F13A1: variants seen among roughly 807,000 people sequenced by gnomAD.
F13A1 encodes coagulation factor XIII A chain, also known as FSF, A subunit.
In F13A1, 47 loss-of-function variants were observed where a neutral mutation model predicts 80.1. That is an observed-to-expected ratio of 0.59 (90% confidence interval 0.46 to 0.75). F13A1 has a LOEUF of 0.75. F13A1 is among the 30% of genes least tolerant of loss of function. The pLI is 0.00. For missense variants in F13A1, 817 were observed against 930.4 expected (o/e 0.88, Z 1.59); for synonymous variants, 349 against 344.9 (o/e 1.01, Z -0.13).
chr6:6,233,061 A>G (rs1214185098), intron 6 of F13A1, among the ~76,000 whole-genome samples: 1 of 152,144 alleles, frequency 6.6e-6, no homozygotes, highest in African/African-American at 2.4e-5. Flanking sequence ...AAACAAGAAC[A>G]AACAAAACCC....
intron 2 of F13A1, among the ~76,000 whole-genome samples, chr6:6,309,270 A>G (rs1244095042): frequency 4.6e-5 from 7 of 151,362 alleles, no homozygotes; most frequent in Non-Finnish European, 1.0e-4. Context: ...GTGGACAGAT[A>G]ATTATGACAC....
intron 3 of F13A1, among the ~76,000 whole-genome samples, chr6:6,293,300 A>G (rs1430310193): frequency 6.6e-6 from 1 of 152,120 alleles, no homozygotes; most frequent in East Asian, 1.9e-4. Context: ...GTATCAAAAA[A>G]GCAGGGGCCC....
intron 3 of F13A1, among the ~76,000 whole-genome samples, chr6:6,301,750 A>T (rs1385961712): frequency 6.6e-6 from 1 of 152,166 alleles, no homozygotes; most frequent in Non-Finnish European, 1.5e-5. Context: ...ATTCTCATTC[A>T]TTTAGTTGCT....
intron 3 of F13A1, among the ~76,000 whole-genome samples, chr6:6,300,028 C>T (rs1012035874): frequency 6.8e-6 from 1 of 147,188 alleles, no homozygotes; most frequent in African/African-American, 2.7e-5. Context: ...TCAGTGTGCC[C>T]CTGCTGGGGG....
intron 10 of F13A1, among the ~76,000 whole-genome samples, chr6:6,183,240 TAA>T (rs975250597): frequency 4.6e-5 from 7 of 152,192 alleles, no homozygotes; most frequent in African/African-American, 1.7e-4. Flanking sequence ...ACCCACTCTT[TAA>T]ATAGGGTGAT....
rs541081523 is a variant in F13A1 at position 6,155,620 on chromosome 6, T to C, written c.1909-3671A>G. Among the ~76,000 whole-genome samples, 17 of 152,172 alleles carry C rather than the reference T, an allele frequency of 1.1e-4. No individual in the cohort carries two copies. The East Asian group carries it at 3.3e-3, about 30-fold the overall frequency. ...TGAGCCTTAGACACTCAAACCAAAC[T>C]AAATGTAAAAACCTACCCAATGCTC... On this transcript the variant is annotated intron_variant, in intron 13 of 14. Transcript: ENST00000264870.
chr6:6,287,311 C>T (rs868775955), intron 3 of F13A1, among the ~76,000 whole-genome samples: 3 of 152,182 alleles, frequency 2.0e-5, no homozygotes, highest in African/African-American at 4.8e-5. Context: ...GCCCACAGTC[C>T]GTCCTCCCTG....
chr6:6,182,647 G>A lies in F13A1; in HGVS notation c.1306-506C>T, dbSNP rs189137924. Among the ~76,000 whole-genome samples, 161 of 152,304 alleles carry A rather than the reference G, an allele frequency of 1.1e-3. 1 individual carries two copies. The highest frequency in any genetic ancestry group is 2.1e-3 in the Admixed American group (32 of 15,302). ...CAGCTGTTTTCAGGTGTTTTCAGGT[G>A]AAGGGATGCTTGAAGCTGCTGTGGC... On this transcript the variant is annotated intron_variant, in intron 10 of 14. Coordinates refer to ENST00000264870, the MANE Select transcript of F13A1 (RefSeq NM_000129.4).
chr6:6,218,011 T>C (rs1351327853), intron 8 of F13A1, among the ~76,000 whole-genome samples: 1 of 146,498 alleles, frequency 6.8e-6, no homozygotes, highest in Admixed American at 6.8e-5. Flanking sequence ...AAAAATAAAA[T>C]AGATCAGACA....
At chr6:6,161,750 A>C (rs980236483) in intron 13 of F13A1, among the ~76,000 whole-genome samples, 1 of 152,152 alleles carries the variant, frequency 6.6e-6, no homozygotes, top group African/African-American at 2.4e-5. Context: ...TCTGACTCAC[A>C]CATGGTGGGT....
At chr6:6,270,934 T>C (rs1757911338) in intron 3 of F13A1, among the ~76,000 whole-genome samples, 1 of 152,190 alleles carries the variant, frequency 6.6e-6, no homozygotes, top group East Asian at 1.9e-4. Flanking sequence ...AGGGTCTCTC[T>C]GGGCCAACTC....
In F13A1 at chr6:6,258,054, C is replaced by T. The variant is rs114154510; in HGVS notation, c.572-7125G>A. Among the ~76,000 whole-genome samples, 329 of 151,914 alleles carry T rather than the reference C, an allele frequency of 2.2e-3. 1 individual carries two copies. The highest frequency in any genetic ancestry group is 3.4e-3 in the Middle Eastern group (1 of 294). ...TTATTTATTATGGCAGAAATTTCCA[C>T]GTTGATTAGGTCATTACAGAATCTT... On this transcript the variant is annotated intron_variant, in intron 4 of 14. Transcript: ENST00000264870.
intron 3 of F13A1, among the ~76,000 whole-genome samples, chr6:6,274,181 C>G (rs933717918): frequency 1.3e-5 from 2 of 152,124 alleles, no homozygotes; most frequent in Admixed American, 1.3e-4. Context: ...ACTTTGTATA[C>G]CCAGCAGCTT....
chr6:6,311,433 A>C (rs553347055), intron 2 of F13A1, among the ~76,000 whole-genome samples: 1 of 151,950 alleles, frequency 6.6e-6, no homozygotes, highest in Admixed American at 6.6e-5. Flanking sequence ...TTGGAATAAA[A>C]TACTGTCTTT....
intron 2 of F13A1, among the ~76,000 whole-genome samples, chr6:6,318,293 CAA>C (rs1169573274): frequency 1.3e-5 from 2 of 152,224 alleles, no homozygotes; most frequent in Non-Finnish European, 2.9e-5. Context: ...AAAGACAAAG[CAA>C]CTTCTCTGAG....
chr6:6,259,739 T>A lies in F13A1; in HGVS notation c.571+6819A>T, dbSNP rs561219658. 2.8e-4 allele frequency among the ~76,000 whole-genome samples: 42 copies of A among 152,290 alleles called. No homozygotes were observed. In the South Asian group the frequency reaches 8.1e-3, roughly 29 times the overall value. On this transcript the variant is annotated intron_variant, in intron 4 of 14. Coordinates refer to ENST00000264870, the MANE Select transcript of F13A1 (RefSeq NM_000129.4). ...GCAAACATTTATTAAACCTCAAGTGTGCCAGAGGCTAAGGATATGAGGTCG... is the reference window on the plus strand; with the variant it reads ...GCAAACATTTATTAAACCTCAAGTGAGCCAGAGGCTAAGGATATGAGGTCG...
At chr6:6,315,382 C>T (rs559686912) in intron 2 of F13A1, among the ~76,000 whole-genome samples, 15 of 152,300 alleles carry the variant, frequency 9.8e-5, no homozygotes, top group South Asian at 6.2e-4. Context: ...AGATGTCAAA[C>T]GCTACCACTG....
intron 12 of F13A1, 116 bp from the exon 13 acceptor site, chr6:6,167,734 G>A: frequency 8.7e-7 from 1 of 1,151,930 alleles, no homozygotes; most frequent in Non-Finnish European, 1.3e-6. Context: ...CAGGAACACA[G>A]CAAAGGTAAG....
chr6:6,163,933 C>T lies in F13A1; in HGVS notation c.1908+3525G>A, dbSNP rs139940993. On this transcript the variant is annotated intron_variant, in intron 13 of 14. Coordinates refer to ENST00000264870, the MANE Select transcript of F13A1 (RefSeq NM_000129.4). ...TGAACTAGTTTACACTCCCACCAAC[C>T]GTATATAAGTGTTCCTTTTTCTCCA... 7.2e-5 allele frequency among the ~76,000 whole-genome samples: 11 copies of T among 152,232 alleles called. No individual in the cohort carries two copies. In the East Asian group the frequency reaches 1.7e-3, roughly 24 times the overall value.
Sources: allele counts gnomAD v4.1 joint callset (sites outside exome capture counted in the v4.1 genomes callset), GRCh38; gene constraint gnomAD v4.1.1; transcripts MANE v1.5; gene names NCBI Gene and HGNC (gene_info 2026-07-23, HGNC 2026-07-21).